BBIP1: variants seen among roughly 807,000 people sequenced by gnomAD.
BBIP1 encodes BBSome-interacting protein 1.
Under a neutral mutation model 8.9 loss-of-function variants are expected in BBIP1, and 6 were observed. That is an observed-to-expected ratio of 0.67 (90% CI 0.37 to 1.33). BBIP1 has a LOEUF of 1.33. Among genes scored for constraint, BBIP1 ranks in the 40% most tolerant of loss-of-function variants. The pLI is 0.02. For synonymous variants in BBIP1, 32 were observed against 33.4 expected, an observed-to-expected ratio of 0.96 and a Z score of 0.14; for missense variants, 111 against 109.2, an observed-to-expected ratio of 1.02 and a Z score of -0.07.
intron 1 of BBIP1, 76 bp from the exon 2 acceptor site, chr10:110,918,289 T>C: frequency 1.3e-6 from 1 of 752,348 alleles, no homozygotes; most frequent in South Asian, 1.7e-5. Context: ...CTTCAACACG[T>C]TGTTTAAGAA....
intron 3 of BBIP1, 165 bp downstream of exon 3, chr10:110,901,367 GTTATCC>G: frequency 1.7e-6 from 1 of 590,680 alleles, no homozygotes; most frequent in Non-Finnish European, 3.0e-6. Flanking sequence ...TGTTTCATTT[GTTATCC>G]TTTTACTGGA....
rs1396961361 is a variant in BBIP1, at chr10:110,918,170, T to G, written c.-13A>C. ...CAGCTTTAAGCATCCAACCCGGTAT[T>G]ACCAAGATGACTTAGAGTTCTTGAC... On this transcript the variant is annotated 5_prime_UTR_variant, in exon 2 of 4. Transcript: ENST00000448814. The G allele has an allele frequency of 2.0e-5, 30 of 1,535,178 alleles. No homozygotes were observed. The Admixed American group carries it at 5.7e-4, about 29-fold the overall frequency.
rs924008623 is a variant in BBIP1, at chr10:110,900,509, C to G, written c.130G>C (p.Asp44His). ...TTACACAGCACCATTGTCATTATAT[C>G]TTCCACAAACAGTGGCCCTAAGTTT... ...LPKQGPLFVEDIMTMVLCKPK... is the reference protein window; with the variant it reads ...LPKQGPLFVEHIMTMVLCKPK... The change falls in exon 4 of 4, where the codon GAT (aspartate) becomes CAT (histidine). Residue 44 changes from aspartate to histidine, a missense_variant. Transcript: ENST00000448814. 1.3e-6 allele frequency: 2 copies of G among 1,529,310 alleles called. No homozygotes were observed. Among genetic ancestry groups the G allele is most frequent in the Non-Finnish European group, 1.7e-6 (2 of 1,144,106 alleles). The allele number at this position is 1,529,310 out of a possible 1,614,324, so 94.7% of individuals were successfully genotyped here. A position where few individuals can be genotyped will look rare whatever the true frequency, so the allele number is the denominator to read the frequency against.
At chr10:110,907,870 TAGC>T in intron 2 of BBIP1, 2 of 671,238 alleles carry the variant, frequency 3.0e-6, no homozygotes, top group Non-Finnish European at 5.4e-6. Context: ...TTCTTTTTAA[TAGC>T]AGGACTGTTT....
intron 2 of BBIP1, chr10:110,911,585 C>T (rs545372792): frequency 6.6e-6 from 1 of 151,710 alleles, no homozygotes; most frequent in South Asian, 2.1e-4. Flanking sequence ...ATCCACCTCC[C>T]ACTGCATCTC....
At chr10:110,903,737 C>G (rs1412882241) in intron 2 of BBIP1, 3 of 152,126 alleles carry the variant, frequency 2.0e-5, no homozygotes, top group African/African-American at 7.2e-5. Flanking sequence ...GGTATAGCCT[C>G]TTACACAAAC....
chr10:110,905,883 A>G (rs2134027456), intron 2 of BBIP1, among the ~76,000 whole-genome samples: 1 of 151,992 alleles, frequency 6.6e-6, no homozygotes, highest in South Asian at 2.1e-4. Flanking sequence ...GCAATTTGAT[A>G]GCTACCATCA....
At chr10:110,901,280 CTT>C (rs1350801450) in intron 3 of BBIP1, 3 of 456,140 alleles carry the variant, frequency 6.6e-6, no homozygotes, top group African/African-American at 6.0e-5. Flanking sequence ...CAACCTGTCT[CTT>C]AAAAAAAATT....
chr10:110,901,215 G>T, intron 3 of BBIP1: 2 of 419,566 alleles, frequency 4.8e-6, no homozygotes, highest in South Asian at 3.9e-5. Flanking sequence ...AGTAGTTCAA[G>T]GCTGCGGTGA....
intron 2 of BBIP1, chr10:110,911,608 G>T (rs1846278126): frequency 6.6e-6 from 1 of 151,504 alleles, no homozygotes; most frequent in Non-Finnish European, 1.5e-5. Context: ...AGTTGCAGCG[G>T]GAGGTGAACG....
intron 2 of BBIP1, among the ~76,000 whole-genome samples, chr10:110,915,356 A>AT (rs1319857139): frequency 6.6e-6 from 1 of 151,962 alleles, no homozygotes; most frequent in Non-Finnish European, 1.5e-5. Flanking sequence ...GTTTTGCCGT[A>AT]TTGCCCAGGC....
At chr10:110,905,455 C>T (rs1464540394) in intron 2 of BBIP1, among the ~76,000 whole-genome samples, 2 of 151,756 alleles carry the variant, frequency 1.3e-5, no homozygotes, top group African/African-American at 2.4e-5. Flanking sequence ...CCAGCTACTC[C>T]GGAGGCTGAG....
At chr10:110,919,278 G>A (rs3750619), upstream of BBIP1, 31,115 of 298,198 alleles carry the variant, frequency 0.1, 1,788 homozygotes, top group Middle Eastern at 0.13. Context: ...CTTCCGATCG[G>A]GGAGTTGTCA....
intron 2 of BBIP1, among the ~76,000 whole-genome samples, chr10:110,909,445 T>A (rs1186560562): frequency 6.6e-6 from 1 of 152,176 alleles, no homozygotes; most frequent in African/African-American, 2.4e-5. Flanking sequence ...CCACCCGCCT[T>A]GGCCTCCCAA....
At chr10:110,901,454 G>T in intron 3 of BBIP1, 84 bp downstream of exon 3, 1 of 901,974 alleles carries the variant, frequency 1.1e-6, no homozygotes, top group Non-Finnish European at 1.8e-6. Context: ...CAGATGTTTA[G>T]CTATTAAGCC....
chr10:110,908,989 G>A (rs2134034454), intron 2 of BBIP1, among the ~76,000 whole-genome samples: 2 of 152,196 alleles, frequency 1.3e-5, no homozygotes, highest in South Asian at 4.1e-4. Flanking sequence ...GTGAAAAATG[G>A]GTGCTTCAAC....
chr10:110,909,008 T>C (rs114797089), intron 2 of BBIP1, among the ~76,000 whole-genome samples: 1 of 152,170 alleles, frequency 6.6e-6, no homozygotes, highest in African/African-American at 2.4e-5. Context: ...ACTGAGCACC[T>C]AGCTACACTG....
At chr10:110,917,583 A>G (rs1846443763) in intron 2 of BBIP1, among the ~76,000 whole-genome samples, 1 of 152,214 alleles carries the variant, frequency 6.6e-6, no homozygotes, top group South Asian at 2.1e-4. Context: ...GAAAGACTTC[A>G]CAGGGGAAAC....
intron 2 of BBIP1, among the ~76,000 whole-genome samples, chr10:110,913,509 T>G (rs1394140622): frequency 6.6e-6 from 1 of 152,224 alleles, no homozygotes; most frequent in Non-Finnish European, 1.5e-5. Context: ...GCTGCCAAAT[T>G]GTGTTCTTAA....
Sources: gnomAD v4.1 joint callset for allele counts (sites outside exome capture counted in the v4.1 genomes callset) on GRCh38, gnomAD v4.1.1 for gene constraint, MANE v1.5 for transcripts, NCBI Gene and HGNC (gene_info 2026-07-23, HGNC 2026-07-21) for gene names.